Variants in C1orf87 observed in about 807,000 individuals in gnomAD.
C1orf87 encodes the protein chromosome 1 open reading frame 87, also known as uncharacterized protein C1orf87.
In C1orf87, 58 loss-of-function variants were observed where a neutral mutation model predicts 60.5. The ratio of observed to expected loss-of-function variants is 0.96; its 90% CI spans 0.78 to 1.19. The LOEUF (loss-of-function observed/expected upper bound fraction) is 1.19. C1orf87 is among the 50% of genes most tolerant of loss of function. C1orf87 has a pLI of 0.00. For missense variants in C1orf87, 673 were observed against 638.6 expected, an observed-to-expected ratio of 1.05 and a Z score of -0.58; for synonymous variants, 236 against 227.4, an observed-to-expected ratio of 1.04 and a Z score of -0.34.
chr1:60,037,956 T>G, intron 6 of C1orf87, 36 bp downstream of exon 6: 1 of 1,443,664 alleles, frequency 6.9e-7, no homozygotes, highest in Non-Finnish European at 9.7e-7. Context: ...CTAAGACACC[T>G]AGGAACAATA....
chr1:60,024,177 A>ATACATTT (rs1444132930), intron 8 of C1orf87, among the ~76,000 whole-genome samples: 3 of 152,144 alleles, frequency 2.0e-5, no homozygotes, highest in Non-Finnish European at 4.4e-5. Context: ...CAATTTTTGT[A>ATACATTT]TACATTTTAA....
chr1:60,037,150 C>T (rs994468866), intron 6 of C1orf87, among the ~76,000 whole-genome samples: 1 of 152,160 alleles, frequency 6.6e-6, no homozygotes, highest in South Asian at 2.1e-4. Flanking sequence ...GATTCTGCAT[C>T]GGGTGAGGTG....
intron 3 of C1orf87, among the ~76,000 whole-genome samples, chr1:60,042,083 C>T (rs958685554): frequency 2.0e-5 from 3 of 152,210 alleles, no homozygotes; most frequent in South Asian, 2.1e-4. Context: ...TCAAGTAGCC[C>T]GATGTGGTGT....
At chr1:60,024,996 T>TCC (rs1450654012) in intron 8 of C1orf87, among the ~76,000 whole-genome samples, 1 of 152,150 alleles carries the variant, frequency 6.6e-6, no homozygotes, top group Non-Finnish European at 1.5e-5. Flanking sequence ...CACATAGAAC[T>TCC]CCTACTCTAA....
chr1:60,049,666 C>T (rs1645399549), intron 3 of C1orf87, among the ~76,000 whole-genome samples: 1 of 152,010 alleles, frequency 6.6e-6, no homozygotes, highest in South Asian at 2.1e-4. Context: ...AAAGTTTCCC[C>T]TTATCCCAGA....
chr1:60,031,010 T>G (rs1645234049), intron 7 of C1orf87, among the ~76,000 whole-genome samples: 1 of 152,212 alleles, frequency 6.6e-6, no homozygotes, highest in Non-Finnish European at 1.5e-5. Flanking sequence ...GCAGTCTGGA[T>G]GTGCTTTTAA....
At chr1:60,047,689 C>T (rs890489672) in intron 3 of C1orf87, among the ~76,000 whole-genome samples, 6 of 150,708 alleles carry the variant, frequency 4.0e-5, no homozygotes, top group Admixed American at 2.7e-4. Flanking sequence ...TTTATTAATA[C>T]TCTACCTATA....
chr1:59,990,571 T>C lies in C1orf87; in HGVS notation c.*102A>G, dbSNP rs942137368. ...CTACAATAGCTGCATCGGCCTCCAC[T>C]CTGACAATGCCTCCGCCACTACACT... On this transcript the variant is annotated 3_prime_UTR_variant, in exon 12 of 12. Coordinates refer to ENST00000371201, the MANE Select transcript of C1orf87 (RefSeq NM_152377.3). 1.4e-6 allele frequency: 2 copies of C among 1,404,308 alleles called. No homozygotes were observed. The highest frequency in any genetic ancestry group is 2.9e-5 in the African/African-American group (2 of 69,796). 87.0% of individuals were successfully genotyped at this position (1,404,308 alleles called of 1,614,324 possible).
chr1:60,010,724 C>G, intron 8 of C1orf87: 1 of 272,686 alleles, frequency 3.7e-6, no homozygotes, highest in Non-Finnish European at 6.8e-6. Context: ...CAGGGAACAG[C>G]AAGAAAATCT....
intron 7 of C1orf87, among the ~76,000 whole-genome samples, chr1:60,029,456 C>T (rs920258956): frequency 2.0e-5 from 3 of 151,908 alleles, no homozygotes; most frequent in African/African-American, 7.3e-5. Context: ...TCCTTTGGAC[C>T]TTTAGTATAA....
At chr1:60,064,191 C>T (rs1645516611) in intron 2 of C1orf87, among the ~76,000 whole-genome samples, 1 of 136,964 alleles carries the variant, frequency 7.3e-6, no homozygotes, top group South Asian at 2.6e-4. Flanking sequence ...CTTGTGATGG[C>T]CTATTGTGGA....
intron 11 of C1orf87, among the ~76,000 whole-genome samples, chr1:59,992,976 T>C (rs566251522): frequency 3.3e-5 from 5 of 152,324 alleles, no homozygotes; most frequent in African/African-American, 1.2e-4. Context: ...GTTTTCTGGA[T>C]AGGATGGCTG....
At chr1:60,043,300 T>C (rs1424634191) in intron 3 of C1orf87, among the ~76,000 whole-genome samples, 1 of 152,178 alleles carries the variant, frequency 6.6e-6, no homozygotes, top group East Asian at 1.9e-4. Flanking sequence ...AAACACTCCC[T>C]AGTAAATTGT....
At chr1:60,006,372 G>T (rs944377495) in intron 9 of C1orf87, among the ~76,000 whole-genome samples, 3 of 152,080 alleles carry the variant, frequency 2.0e-5, no homozygotes, top group Admixed American at 1.3e-4. Flanking sequence ...AACCAATTGA[G>T]TTTGCTTTTC....
rs552977278 is a variant in C1orf87 at position 59,990,531 on chromosome 1, C to A, written c.*142G>T. 7 of 1,015,190 alleles carry A rather than the reference C, an allele frequency of 6.9e-6. No homozygotes were observed. In the South Asian group the frequency reaches 8.2e-5, roughly 12 times the overall value. 62.9% of individuals were successfully genotyped at this position (1,015,190 alleles called of 1,614,324 possible). A position where few individuals can be genotyped will look rare whatever the true frequency, so the allele number is the denominator to read the frequency against. ...TGAGCATCATAGCCAGAAACTAAGT[C>A]CAAATCAAAAGCATCTACAATAGCT... On this transcript the variant is annotated 3_prime_UTR_variant, in exon 12 of 12. Coordinates refer to ENST00000371201, the MANE Select transcript of C1orf87 (RefSeq NM_152377.3).
chr1:59,991,622 C>G (rs940429776), intron 11 of C1orf87, among the ~76,000 whole-genome samples: 1 of 152,138 alleles, frequency 6.6e-6, no homozygotes, highest in Non-Finnish European at 1.5e-5. Flanking sequence ...GACTGACTGT[C>G]CTGTGACTCC....
chr1:60,036,960 T>C (rs1329104966), intron 6 of C1orf87, among the ~76,000 whole-genome samples: 2 of 152,190 alleles, frequency 1.3e-5, no homozygotes, highest in Non-Finnish European at 2.9e-5. Context: ...CCGTACACAA[T>C]CATTTCTTAT....
intron 3 of C1orf87, among the ~76,000 whole-genome samples, chr1:60,041,369 T>C (rs571521492): frequency 6.6e-6 from 1 of 152,200 alleles, no homozygotes; most frequent in Non-Finnish European, 1.5e-5. Flanking sequence ...CACACTTAGG[T>C]ATGTCTCATT....
intron 3 of C1orf87, among the ~76,000 whole-genome samples, chr1:60,044,224 G>T (rs12079924): frequency 0.053 from 8,038 of 152,078 alleles, 663 homozygotes; most frequent in African/African-American, 0.17. Context: ...TAGAGACGGG[G>T]TTTCACCGTG....
Sources: allele counts gnomAD v4.1 joint callset (sites outside exome capture counted in the v4.1 genomes callset), GRCh38; gene constraint gnomAD v4.1.1; transcripts MANE v1.5; gene names NCBI Gene and HGNC (gene_info 2026-07-23, HGNC 2026-07-21).